The following SEMA4G variants were observed in gnomAD, a reference collection of about 807,000 sequenced individuals.
SEMA4G encodes semaphorin 4G.
SEMA4G carries 59 observed loss-of-function variants against 81.2 expected under a neutral mutation model. The observed-to-expected ratio is 0.73, with a 90% CI of 0.59 to 0.90. The LOEUF is 0.90. Among genes scored for constraint, SEMA4G ranks in the 40% least tolerant of loss-of-function variants. The probability of loss-of-function intolerance (pLI) is 0.00; values close to 1 mark genes in which losing one functional copy is unlikely to be tolerated. For synonymous variants in SEMA4G, 404 were observed against 433.9 expected (o/e 0.93, Z 0.86); for missense variants, 952 against 1,102.3 (o/e 0.86, Z 1.93).
exon 1 of SEMA4G, chr10:100,972,915 G>A (rs1344292943): frequency 1.2e-5 from 19 of 1,605,966 alleles, no homozygotes; most frequent in Non-Finnish European, 1.4e-5. Flanking sequence ...CCAGGAAGAT[G>A]TGGGGGAGGC....
In SEMA4G at chr10:100,973,562, TCCC is replaced by T. The variant is rs1589979126; in HGVS notation, c.291_293del (p.Pro98del). The T allele has an allele frequency of 1.2e-5, 19 of 1,613,924 alleles. No homozygotes were observed. The highest frequency in any genetic ancestry group is 1.5e-5 in the Non-Finnish European group (18 of 1,179,998). Reference sequence around the variant, plus strand: ...CCTCCACTAGATCCACTGGGAAGCCTCCCCAGAGATGCAAAGCAAATGTCATCA... The same window carrying T: ...CCTCCACTAGATCCACTGGGAAGCCTCAGAGATGCAAAGCAAATGTCATCA... On this transcript the variant is annotated inframe_deletion, in exon 3 of 14. Coordinates refer to ENST00000370250, the Ensembl canonical transcript of SEMA4G. The surrounding 1 kb of genome is among the most constrained non-coding windows in gnomAD (Gnocchi z 5.5).
intron 8 of SEMA4G, 96 bp from the exon 10 acceptor site, chr10:100,979,752 T>C: frequency 1.4e-6 from 2 of 1,425,716 alleles, no homozygotes; most frequent in Non-Finnish European, 1.9e-6. Context: ...ATAGCTGGGG[T>C]TGGCCAGGGT....
intron 3 of SEMA4G, chr10:100,974,972 C>T (rs1439204292): frequency 1.9e-6 from 1 of 523,906 alleles, no homozygotes; most frequent in Admixed American, 2.1e-5. Flanking sequence ...AAAAAAAATT[C>T]CCAAGATCCA....
At chr10:100,981,836 T>C (rs1851093542) in intron 13 of SEMA4G, among the ~76,000 whole-genome samples, 1 of 152,058 alleles carries the variant, frequency 6.6e-6, no homozygotes, top group Non-Finnish European at 1.5e-5. Context: ...GGTAGGTGGA[T>C]TGCTTGAGCT....
chr10:100,972,956 C>T, exon 1 of SEMA4G: 1 of 1,613,482 alleles, frequency 6.2e-7, no homozygotes, highest in Non-Finnish European at 8.5e-7. Context: ...ATCCTCACAG[C>T]AACTGCAGTC....
At chr10:100,983,569 C>T in exon 14 of SEMA4G, 1 of 1,613,972 alleles carries the variant, frequency 6.2e-7, no homozygotes, top group Non-Finnish European at 8.5e-7. Context: ...ACAGTCCGGC[C>T]AGCCACTCCT....
At chr10:100,972,845 C>G (rs890089013) in exon 1 of SEMA4G, 1 of 1,536,472 alleles carries the variant, frequency 6.5e-7, no homozygotes, top group Admixed American at 2.2e-5. Flanking sequence ...GCTTCCCATT[C>G]CCCGCCCCCA....
chr10:100,977,838 T>C, intron 4 of SEMA4G, 108 bp downstream of exon 5: 2 of 952,552 alleles, frequency 2.1e-6, no homozygotes, highest in Non-Finnish European at 3.4e-6. Context: ...ACGGATGGTT[T>C]ATTAAGGGGA....
At chr10:100,982,158 C>T (rs943894610) in intron 13 of SEMA4G, among the ~76,000 whole-genome samples, 2 of 151,774 alleles carry the variant, frequency 1.3e-5, no homozygotes, top group African/African-American at 4.8e-5. Flanking sequence ...TGCTATCTCC[C>T]ACAAGTTAGC....
exon 7 of SEMA4G, chr10:100,978,885 G>A (rs1208157981): frequency 1.2e-6 from 2 of 1,614,206 alleles, no homozygotes; most frequent in Non-Finnish European, 1.7e-6. Flanking sequence ...GTGCGGGAGA[G>A]CAAGGCCAGT....
At chr10:100,983,777 A>G (rs1472206434) in exon 14 of SEMA4G, 1 of 1,609,082 alleles carries the variant, frequency 6.2e-7, no homozygotes, top group Admixed American at 1.7e-5. Context: ...GCCGGGCAGG[A>G]GGATCTGCGG....
intron 13 of SEMA4G, chr10:100,981,487 G>A (rs770536971): frequency 1.2e-5 from 20 of 1,614,072 alleles, no homozygotes; most frequent in Non-Finnish European, 1.5e-5. Context: ...TGGATGACAA[G>A]GGTTCAGGAC....
intron 12 of SEMA4G, 63 bp downstream of exon 13, chr10:100,981,060 T>C: frequency 6.3e-7 from 1 of 1,599,954 alleles, no homozygotes; most frequent in Non-Finnish European, 8.5e-7. Flanking sequence ...GCCTGATAGC[T>C]ACTGGGGGAG....
chr10:100,983,851 C>T (rs1335400856), exon 14 of SEMA4G: 3 of 1,587,274 alleles, frequency 1.9e-6, no homozygotes, highest in Non-Finnish European at 2.6e-6. Flanking sequence ...GATGAGGGGG[C>T]TGGGGGCCTG....
exon 14 of SEMA4G, chr10:100,983,971 G>A: frequency 6.9e-7 from 1 of 1,451,774 alleles, no homozygotes; most frequent in African/African-American, 1.5e-5. Flanking sequence ...GCACTGCCCA[G>A]CCGGCTGCGG....
chr10:100,981,179 T>C lies in SEMA4G; in HGVS notation c.1640T>C (p.Ile547Thr), dbSNP rs1271640141. 4 of 1,614,214 alleles carry C rather than the reference T, an allele frequency of 2.5e-6. No homozygotes were observed. The highest frequency in any genetic ancestry group is 3.4e-6 in the Non-Finnish European group (4 of 1,180,032). Reference sequence around the variant, plus strand: ...ATCTTCTGTCCCAGGACAGCACTGATACAGGACATAGAGAGAGGAAATCGA... The same window carrying C: ...ATCTTCTGTCCCAGGACAGCACTGACACAGGACATAGAGAGAGGAAATCGA... Residue 547 changes from isoleucine (I) to threonine (T), a missense_variant, in exon 13 of 14, where the codon ATA becomes ACA. Physicochemically the swap from Ile to Thr is moderately conservative, Grantham distance 89. Around this residue, in one of 3 missense-constraint regions of SEMA4G, gnomAD observed 385 missense variants for 413.5 expected, o/e 0.93. Transcript: ENST00000370250.
chr10:100,973,172 C>T lies in SEMA4G; in HGVS notation c.168C>T (p.Tyr56=), dbSNP rs1850682665. 5.0e-6 allele frequency: 8 copies of T among 1,613,864 alleles called. No homozygotes were observed. Among genetic ancestry groups the T allele is most frequent in the Non-Finnish European group, 5.9e-6 (7 of 1,180,040 alleles). The stretch of plus-strand genomic sequence containing the variant: ...ACTTCAAGGGCCAAGCCCAGAACTA[C>T]TCAACACTGCTGCTGGAGGAGGCCT... The change falls in exon 2 of 14, where the codon TAC becomes TAT. Residue 56 remains tyrosine (Y), a synonymous_variant. Coordinates refer to ENST00000370250, the Ensembl canonical transcript of SEMA4G. The surrounding 1 kb of genome is among the most constrained non-coding windows in gnomAD (Gnocchi z 5.5).
chr10:100,984,331 G>C lies in SEMA4G; in HGVS notation c.*200G>C, dbSNP rs932827701. 1.9e-5 allele frequency: 27 copies of C among 1,441,796 alleles called. No individual in the cohort carries two copies. The African/African-American group carries it at 3.6e-4, about 19-fold the overall frequency. The allele number at this position is 1,441,796 out of a possible 1,614,324, so 89.3% of individuals were successfully genotyped here. Reference sequence around the variant, plus strand: ...GTCTCCACAGACCCACATGTGAGCAGCCCAGGCCCATCGGTGCTCCTCAGA... The same window carrying C: ...GTCTCCACAGACCCACATGTGAGCACCCCAGGCCCATCGGTGCTCCTCAGA... On this transcript the variant is annotated 3_prime_UTR_variant, in exon 14 of 14. Coordinates refer to ENST00000370250, the Ensembl canonical transcript of SEMA4G.
Position 100,980,348 on chromosome 10 carries a change from C to G in SEMA4G, c.1351+4C>G. On this transcript the variant is annotated splice_donor_region_variant and intron_variant, in intron 10 of 13. Transcript: ENST00000370250. Reference sequence around the variant, plus strand: ...GACCTGCTCTTTCTGGGCACAGGTGCTTCTGATCCCAATCCCTGATCCCTG... The same window carrying G: ...GACCTGCTCTTTCTGGGCACAGGTGGTTCTGATCCCAATCCCTGATCCCTG... 4 of 1,611,898 alleles carry G rather than the reference C, an allele frequency of 2.5e-6. No individual in the cohort carries two copies. The highest frequency in any genetic ancestry group is 3.4e-6 in the Non-Finnish European group (4 of 1,178,014).
Sources: allele counts gnomAD v4.1 joint callset (sites outside exome capture counted in the v4.1 genomes callset), GRCh38; gene constraint gnomAD v4.1.1; regional missense constraint gnomAD v4.1.1; non-coding constraint Gnocchi (gnomAD v3.1); transcripts MANE v1.5; gene names NCBI Gene and HGNC (gene_info 2026-07-23, HGNC 2026-07-21).